Variants in PDCD1LG2 observed in about 807,000 individuals in gnomAD.
PDCD1LG2 encodes the protein programmed cell death 1 ligand 2.
In PDCD1LG2, 32 loss-of-function variants were observed where a neutral mutation model predicts 28.2. That is an observed-to-expected ratio of 1.13 (90% confidence interval 0.86 to 1.52). PDCD1LG2 has a LOEUF of 1.52. PDCD1LG2 is among the 40% of genes most tolerant of loss of function. PDCD1LG2 has a pLI of 0.00. For missense variants in PDCD1LG2, 385 were observed against 323.8 expected (o/e 1.19, Z -1.45); for synonymous variants, 116 against 120.2 (o/e 0.97, Z 0.23).
At chr9:5,549,098 C>T (rs757773028) in intron 3 of PDCD1LG2, among the ~76,000 whole-genome samples, 1 of 152,114 alleles carries the variant, frequency 6.6e-6, no homozygotes, top group East Asian at 1.9e-4. Context: ...CTTCAGTAAC[C>T]GTCCACAAGA....
At chr9:5,559,594 A>G (rs1816518552) in intron 5 of PDCD1LG2, among the ~76,000 whole-genome samples, 1 of 152,178 alleles carries the variant, frequency 6.6e-6, no homozygotes, top group Non-Finnish European at 1.5e-5. Flanking sequence ...GAGAAGGAAC[A>G]TTTTACAGCT....
Position 5,549,488 on chromosome 9 carries a change from G to A in PDCD1LG2, c.515G>A (p.Gly172Asp), listed in dbSNP as rs1270755529. 1.2e-6 allele frequency: 2 copies of A among 1,614,146 alleles called. No individual in the cohort carries two copies. The highest frequency in any genetic ancestry group is 1.7e-6 in the Non-Finnish European group (2 of 1,180,026). Residue 172 changes from glycine to aspartate, a missense_variant, in exon 4 of 7, where the codon GGC becomes GAC. Gly to Asp is a moderately conservative substitution (Grantham distance 94). Coordinates refer to ENST00000397747, the MANE Select transcript of PDCD1LG2 (RefSeq NM_025239.4). Reference protein sequence around the residue: ...ANTSHSRTPEGLYQVTSVLRL... With the variant: ...ANTSHSRTPEDLYQVTSVLRL... ...ACCAGCCACTCCAGGACCCCTGAAGGCCTCTACCAGGTCACCAGTGTTCTG... is the reference window on the plus strand; with the variant it reads ...ACCAGCCACTCCAGGACCCCTGAAGACCTCTACCAGGTCACCAGTGTTCTG...
intron 3 of PDCD1LG2, among the ~76,000 whole-genome samples, chr9:5,542,572 G>A (rs1012256756): frequency 2.0e-5 from 3 of 152,088 alleles, no homozygotes; most frequent in Admixed American, 2.0e-4. Flanking sequence ...AATGACCAAC[G>A]AGCATATGGA....
intron 1 of PDCD1LG2, among the ~76,000 whole-genome samples, chr9:5,518,310 A>C (rs1184245314): frequency 6.6e-6 from 1 of 152,252 alleles, no homozygotes. Flanking sequence ...GTATCTTTAT[A>C]GCAGTGTCTG....
chr9:5,563,512 C>A (rs1192748316), intron 6 of PDCD1LG2, among the ~76,000 whole-genome samples: 4 of 152,170 alleles, frequency 2.6e-5, no homozygotes, highest in Non-Finnish European at 5.9e-5. Context: ...AACTGCGATG[C>A]AATTGACAAT....
chr9:5,558,464 T>C (rs575738561), intron 5 of PDCD1LG2, among the ~76,000 whole-genome samples: 1 of 152,320 alleles, frequency 6.6e-6, no homozygotes, highest in East Asian at 1.9e-4. Context: ...CCAGAATGTA[T>C]GCAGGCCTAG....
chr9:5,533,728 T>C (rs1489661623), intron 2 of PDCD1LG2, among the ~76,000 whole-genome samples: 1 of 151,992 alleles, frequency 6.6e-6, no homozygotes, highest in Admixed American at 6.6e-5. Context: ...AAACTCTGAG[T>C]GGAAACTACG....
chr9:5,540,311 T>A (rs552962220), intron 3 of PDCD1LG2, among the ~76,000 whole-genome samples: 2 of 152,106 alleles, frequency 1.3e-5, no homozygotes, highest in East Asian at 3.9e-4. Context: ...CAATCTAAGG[T>A]CACACCTCCT....
At chr9:5,526,539 G>A (rs1563822925) in intron 2 of PDCD1LG2, among the ~76,000 whole-genome samples, 1 of 152,164 alleles carries the variant, frequency 6.6e-6, no homozygotes, top group Non-Finnish European at 1.5e-5. Context: ...CCAGGCTCAA[G>A]TGAGTCTCCT....
intron 2 of PDCD1LG2, among the ~76,000 whole-genome samples, chr9:5,532,652 G>T (rs1820504676): frequency 1.3e-5 from 2 of 152,122 alleles, no homozygotes; most frequent in Non-Finnish European, 2.9e-5. Context: ...ATCTGCAGTG[G>T]GAATCATTCA....
chr9:5,551,729 T>A (rs1001569251), intron 4 of PDCD1LG2, among the ~76,000 whole-genome samples: 4 of 152,174 alleles, frequency 2.6e-5, no homozygotes, highest in African/African-American at 9.7e-5. Flanking sequence ...TAAGCCTAAC[T>A]AGAATTCTAC....
At chr9:5,537,906 A>T (rs1447010692) in intron 3 of PDCD1LG2, among the ~76,000 whole-genome samples, 1 of 152,208 alleles carries the variant, frequency 6.6e-6, no homozygotes, top group African/African-American at 2.4e-5. Flanking sequence ...AATGCAGAAC[A>T]CCCTGAACAT....
intron 2 of PDCD1LG2, among the ~76,000 whole-genome samples, chr9:5,528,239 T>C (rs186102052): frequency 6.8e-6 from 1 of 148,012 alleles, no homozygotes; most frequent in East Asian, 1.9e-4. Flanking sequence ...TATAATCTTA[T>C]ATATAATATA....
chr9:5,570,737 T>C lies in PDCD1LG2; in HGVS notation c.*778T>C, dbSNP rs1816754723. ...ATCAATTATATACAGTCAAAAATAT[T>C]TGATATGCTCATACGTTGTATCTGC... On this transcript the variant is annotated 3_prime_UTR_variant, in exon 7 of 7. Coordinates refer to ENST00000397747, the MANE Select transcript of PDCD1LG2 (RefSeq NM_025239.4). 4.3e-6 allele frequency: 1 copy of C among 232,292 alleles called. No homozygotes were observed. Among genetic ancestry groups the C allele is most frequent in the Non-Finnish European group, 8.5e-6 (1 of 117,580 alleles). The allele number at this position is 232,292 out of a possible 1,614,324, so 14.4% of individuals were successfully genotyped here.
intron 1 of PDCD1LG2, among the ~76,000 whole-genome samples, chr9:5,515,694 G>A (rs1345715310): frequency 6.6e-6 from 1 of 152,032 alleles, no homozygotes; most frequent in Non-Finnish European, 1.5e-5. Context: ...GGAGGCCGAG[G>A]CGGGTGGATC....
chr9:5,567,487 G>C (rs995738213), intron 6 of PDCD1LG2, among the ~76,000 whole-genome samples: 5 of 152,174 alleles, frequency 3.3e-5, no homozygotes, highest in African/African-American at 1.2e-4. Flanking sequence ...AACTTTAGGA[G>C]TGGATTATGA....
At chr9:5,528,590 C>T (rs1452456456) in intron 2 of PDCD1LG2, among the ~76,000 whole-genome samples, 1 of 152,038 alleles carries the variant, frequency 6.6e-6, no homozygotes, top group Non-Finnish European at 1.5e-5. Context: ...CAGGCATAAG[C>T]CACTGCACCT....
intron 1 of PDCD1LG2, among the ~76,000 whole-genome samples, chr9:5,521,433 T>C (rs367545529): frequency 6.6e-6 from 1 of 152,186 alleles, no homozygotes; most frequent in African/African-American, 2.4e-5. Flanking sequence ...TTAATAAAGC[T>C]GTTGAAATTT....
intron 2 of PDCD1LG2, among the ~76,000 whole-genome samples, chr9:5,529,270 C>T (rs1047991231): frequency 3.3e-5 from 5 of 152,134 alleles, no homozygotes; most frequent in African/African-American, 1.2e-4. Flanking sequence ...TTCTTCTACA[C>T]ATTTTGTAGT....
Sources: allele counts gnomAD v4.1 joint callset (sites outside exome capture counted in the v4.1 genomes callset), GRCh38; gene constraint gnomAD v4.1.1; transcripts MANE v1.5; gene names NCBI Gene and HGNC (gene_info 2026-07-23, HGNC 2026-07-21).